ARHGEF12: variants seen among roughly 807,000 people sequenced by gnomAD.
The protein encoded by ARHGEF12 is KMT2A/ARHGEF12 fusion protein.
A neutral mutation model predicts 211.2 loss-of-function variants in ARHGEF12; 66 were observed. The observed-to-expected ratio is 0.31, with a 90% CI of 0.26 to 0.38. The LOEUF (loss-of-function observed/expected upper bound fraction) is 0.38. Ranked by LOEUF, ARHGEF12 falls within the 10% of genes least tolerant of loss-of-function variation. The pLI, the probability that ARHGEF12 is intolerant of heterozygous loss-of-function variation, is 1.00. For missense variants in ARHGEF12, 1,429 were observed against 1,869.5 expected (o/e 0.76, Z 4.34); for synonymous variants, 592 against 638.4 (o/e 0.93, Z 1.09).
At chr11:120,474,732 C>G in intron 32 of ARHGEF12, 97 bp downstream of exon 32, 2 of 921,268 alleles carry the variant, frequency 2.2e-6, no homozygotes, top group Non-Finnish European at 3.3e-6. Context: ...GAACCATTCT[C>G]TCAGCAGTTT....
In ARHGEF12 at chr11:120,420,868, A is replaced by T. The variant is rs1410397640; in HGVS notation, c.298+17A>T. On this transcript the variant is annotated intron_variant, in intron 5 of 40. Coordinates refer to ENST00000397843, the MANE Select transcript of ARHGEF12 (RefSeq NM_015313.3). The stretch of plus-strand genomic sequence containing the variant: ...TCAAAGAAGGCAAGGCATTTTAAAA[A>T]ACAATTTATCACTCAGTAAACAGAG... The T allele has an allele frequency of 1.2e-6, 2 of 1,600,212 alleles. No individual in the cohort carries two copies. The highest frequency in any genetic ancestry group is 1.7e-6 in the Non-Finnish European group (2 of 1,168,020).
At chr11:120,412,218 G>C (rs1368851870) in intron 4 of ARHGEF12, among the ~76,000 whole-genome samples, 1 of 152,084 alleles carries the variant, frequency 6.6e-6, no homozygotes, top group Non-Finnish European at 1.5e-5. Context: ...ATTCAGCAAG[G>C]GAATTCTGAG....
chr11:120,437,294 GT>G lies in ARHGEF12; in HGVS notation c.925-7del. ...CCTATTGAAATGAACTGAAGATCTT[GT>G]TTTTTTCATTAGAGTCCCAAGAGTG... On this transcript the variant is annotated splice_polypyrimidine_tract_variant and intron_variant, in intron 11 of 40. Transcript: ENST00000397843. 1 of 1,586,652 alleles carries G rather than the reference GT, an allele frequency of 6.3e-7. No homozygotes were observed. Among genetic ancestry groups the G allele is most frequent in the South Asian group, 1.2e-5 (1 of 86,670 alleles).
chr11:120,465,111 A>T, intron 27 of ARHGEF12, 126 bp from the exon 28 acceptor site: 1 of 1,196,284 alleles, frequency 8.4e-7, no homozygotes, highest in African/African-American at 1.5e-5. Context: ...TATTCCACAT[A>T]GATATGCAGT....
At chr11:120,357,867 C>G (rs989334880) in intron 1 of ARHGEF12, among the ~76,000 whole-genome samples, 3 of 151,808 alleles carry the variant, frequency 2.0e-5, no homozygotes, top group Admixed American at 2.0e-4. Flanking sequence ...ACCGTGCCAC[C>G]AAAATAAGGA....
chr11:120,373,884 C>T (rs534015426), intron 1 of ARHGEF12, among the ~76,000 whole-genome samples: 1 of 152,250 alleles, frequency 6.6e-6, no homozygotes, highest in South Asian at 2.1e-4. Flanking sequence ...CTCGGCTCAC[C>T]ACAACCTCTG....
Position 120,420,748 on chromosome 11 carries a change from T to A in ARHGEF12, c.200-5T>A. ...TTCTTGTTTTACACTGTGGTTCTTG[T>A]GCAGGTCTTGTTCAGCGTTGCGTAA... On this transcript the variant is annotated splice_region_variant and splice_polypyrimidine_tract_variant and intron_variant, in intron 4 of 40. Coordinates refer to ENST00000397843, the MANE Select transcript of ARHGEF12 (RefSeq NM_015313.3). 6.2e-7 allele frequency: 1 copy of A among 1,613,204 alleles called. No individual in the cohort carries two copies. Among genetic ancestry groups the A allele is most frequent in the Non-Finnish European group, 8.5e-7 (1 of 1,179,200 alleles).
At chr11:120,393,502 T>C (rs1169374521) in intron 1 of ARHGEF12, among the ~76,000 whole-genome samples, 1 of 152,176 alleles carries the variant, frequency 6.6e-6, no homozygotes. Context: ...CCTGCTAATC[T>C]ACATTAAAGG....
Sources: gnomAD v4.1 joint callset for allele counts (sites outside exome capture counted in the v4.1 genomes callset) on GRCh38, gnomAD v4.1.1 for gene constraint, MANE v1.5 for transcripts, NCBI Gene and HGNC (gene_info 2026-07-23, HGNC 2026-07-21) for gene names.